The following CARMIL1 variants were observed in gnomAD, a reference collection of about 807,000 sequenced individuals.
CARMIL1 encodes the protein capping protein regulator and myosin 1 linker 1, also known as F-actin-uncapping protein LRRC16A.
Under a neutral mutation model 177.1 loss-of-function variants are expected in CARMIL1, and 90 were observed. That is an observed-to-expected ratio of 0.51 (90% confidence interval 0.43 to 0.61). The LOEUF (loss-of-function observed/expected upper bound fraction) is 0.61. Ranked by LOEUF, CARMIL1 falls within the 20% of genes least tolerant of loss-of-function variation. The pLI is 0.00. For missense variants in CARMIL1, 1,380 were observed against 1,667.0 expected, an observed-to-expected ratio of 0.83 and a Z score of 3.00; for synonymous variants, 577 against 606.2, an observed-to-expected ratio of 0.95 and a Z score of 0.71.
intron 31 of CARMIL1, among the ~76,000 whole-genome samples, chr6:25,594,208 G>A (rs1340337973): frequency 1.3e-5 from 2 of 152,128 alleles, no homozygotes; most frequent in Admixed American, 1.3e-4. Context: ...CACAAGGCAT[G>A]GTGTTTATCG....
chr6:25,439,913 G>GT (rs138069485), intron 5 of CARMIL1, among the ~76,000 whole-genome samples: 3,008 of 152,262 alleles, frequency 0.02, 43 homozygotes, highest in Non-Finnish European at 0.031. Flanking sequence ...AGAGAGATTT[G>GT]TTGCTGGAGA....
At chr6:25,599,822 G>A (rs1415650088) in intron 32 of CARMIL1, among the ~76,000 whole-genome samples, 2 of 152,114 alleles carry the variant, frequency 1.3e-5, no homozygotes, top group Non-Finnish European at 2.9e-5. Flanking sequence ...GTTTTCTGAT[G>A]ACTATCTTGA....
intron 2 of CARMIL1, among the ~76,000 whole-genome samples, chr6:25,301,387 G>A (rs984671708): frequency 3.9e-5 from 6 of 152,178 alleles, no homozygotes; most frequent in African/African-American, 1.4e-4. Flanking sequence ...TCGAAGTTGA[G>A]TCAATGTACT....
intron 31 of CARMIL1, among the ~76,000 whole-genome samples, chr6:25,587,315 T>C (rs543055212): frequency 6.6e-6 from 1 of 152,252 alleles, no homozygotes; most frequent in South Asian, 2.1e-4. Context: ...GCTTAGCCCA[T>C]AGAATTTAAC....
At chr6:25,607,521 G>A (rs1033785177) in intron 35 of CARMIL1, among the ~76,000 whole-genome samples, 4 of 152,122 alleles carry the variant, frequency 2.6e-5, no homozygotes, top group Non-Finnish European at 5.9e-5. Context: ...CACGCAGCTG[G>A]TGTGTCTGTG....
intron 5 of CARMIL1, among the ~76,000 whole-genome samples, chr6:25,447,488 G>A (rs1315618273): frequency 3.9e-5 from 6 of 152,204 alleles, no homozygotes; most frequent in Non-Finnish European, 7.3e-5. Context: ...TGAGAGCATT[G>A]TATGTAGCAG....
chr6:25,527,692 TC>T, intron 23 of CARMIL1: 1 of 448,540 alleles, frequency 2.2e-6, no homozygotes. Flanking sequence ...AGGTATCTTT[TC>T]GTTTTTGTAA....
intron 11 of CARMIL1, among the ~76,000 whole-genome samples, chr6:25,477,728 T>A (rs1450010720): frequency 6.6e-6 from 1 of 152,226 alleles, no homozygotes; most frequent in Non-Finnish European, 1.5e-5. Context: ...TGTGTACATT[T>A]ATGCTTTACT....
intron 36 of CARMIL1, among the ~76,000 whole-genome samples, chr6:25,616,484 G>A (rs1275606727): frequency 6.6e-6 from 1 of 152,140 alleles, no homozygotes; most frequent in Non-Finnish European, 1.5e-5. Flanking sequence ...TGAGACAGGA[G>A]GATCACTTGA....
At chr6:25,404,998 G>A (rs947530986) in intron 2 of CARMIL1, among the ~76,000 whole-genome samples, 2 of 152,038 alleles carry the variant, frequency 1.3e-5, no homozygotes, top group South Asian at 4.2e-4. Flanking sequence ...AAAAGGTGTA[G>A]CAGCAGCAGT....
intron 20 of CARMIL1, among the ~76,000 whole-genome samples, chr6:25,514,550 C>CAAAAAAAAAA (rs66490833): frequency 1.2e-5 from 1 of 84,204 alleles, no homozygotes; most frequent in Admixed American, 1.4e-4. Flanking sequence ...GACCTTGTCT[C>CAAAAAAAAAA]AAAAAAAAAA....
intron 2 of CARMIL1, among the ~76,000 whole-genome samples, chr6:25,338,270 T>A (rs908474735): frequency 5.5e-5 from 8 of 146,698 alleles, no homozygotes; most frequent in South Asian, 4.4e-4. Flanking sequence ...AAAAAAAAAA[T>A]AAAATAAAAG....
intron 2 of CARMIL1, among the ~76,000 whole-genome samples, chr6:25,341,600 C>A (rs965585041): frequency 1.3e-5 from 2 of 152,190 alleles, no homozygotes; most frequent in African/African-American, 4.8e-5. Flanking sequence ...CGCCTGTAGT[C>A]CCAGCTACTT....
intron 23 of CARMIL1, among the ~76,000 whole-genome samples, chr6:25,525,033 A>G (rs1806953642): frequency 6.6e-6 from 1 of 152,192 alleles, no homozygotes; most frequent in Non-Finnish European, 1.5e-5. Flanking sequence ...CCAGAAGGAA[A>G]GAAAAGAGAG....
chr6:25,384,331 C>T (rs1386558682), intron 2 of CARMIL1, among the ~76,000 whole-genome samples: 1 of 152,230 alleles, frequency 6.6e-6, no homozygotes, highest in Non-Finnish European at 1.5e-5. Flanking sequence ...ATGCTCAGAT[C>T]CCTCTGTGGC....
intron 1 of CARMIL1, among the ~76,000 whole-genome samples, chr6:25,284,474 C>T (rs1210127804): frequency 6.6e-6 from 1 of 152,192 alleles, no homozygotes; most frequent in African/African-American, 2.4e-5. Flanking sequence ...CTTTGGGAGG[C>T]CAAGGCAGGC....
intron 8 of CARMIL1, among the ~76,000 whole-genome samples, chr6:25,460,783 G>T (rs956096664): frequency 6.6e-6 from 1 of 152,150 alleles, no homozygotes; most frequent in African/African-American, 2.4e-5. Context: ...TTAGTGTATT[G>T]TCTGTTATCT....
chr6:25,609,993 A>G lies in CARMIL1; in HGVS notation c.3848-57A>G, dbSNP rs1021893519. 4.0e-6 allele frequency: 6 copies of G among 1,513,750 alleles called. No homozygotes were observed. The African/African-American group carries it at 7.0e-5, about 18-fold the overall frequency. The allele number at this position is 1,513,750 out of a possible 1,614,324, so 93.8% of individuals were successfully genotyped here. A position where few individuals can be genotyped will look rare whatever the true frequency, so the allele number is the denominator to read the frequency against. The stretch of plus-strand genomic sequence containing the variant: ...TTTATATATAGATTTACCAGGCTTT[A>G]TGTTCTTGGAATCCAGTTTGTGGAA... On this transcript the variant is annotated intron_variant, in intron 35 of 36. Coordinates refer to ENST00000329474, the MANE Select transcript of CARMIL1 (RefSeq NM_017640.6).
rs184364548 is a variant in CARMIL1, at chr6:25,558,739, G to C, written c.2742+1889G>C. ...TTTATCTGGTTTAAAGGGCCAAGGA[G>C]GTAAGCAGGGAGGGCCATTCCTGAG... On this transcript the variant is annotated intron_variant, in intron 29 of 36. Coordinates refer to ENST00000329474, the MANE Select transcript of CARMIL1 (RefSeq NM_017640.6). The surrounding 1 kb of genome is among the most constrained non-coding windows in gnomAD (Gnocchi z 4.1). 4.6e-5 allele frequency among the ~76,000 whole-genome samples: 7 copies of C among 152,094 alleles called. No individual in the cohort carries two copies. The highest frequency in any genetic ancestry group is 8.8e-5 in the Non-Finnish European group (6 of 68,022).
Sources: allele counts gnomAD v4.1 joint callset (sites outside exome capture counted in the v4.1 genomes callset), GRCh38; gene constraint gnomAD v4.1.1; non-coding constraint Gnocchi (gnomAD v3.1); transcripts MANE v1.5; gene names NCBI Gene and HGNC (gene_info 2026-07-23, HGNC 2026-07-21).